The following RAPGEF5 variants were observed in gnomAD, a reference collection of about 807,000 sequenced individuals.
The protein encoded by RAPGEF5 is Rap guanine nucleotide exchange factor 5.
RAPGEF5 carries 65 observed loss-of-function variants against 125.2 expected under a neutral mutation model. The observed-to-expected ratio is 0.52, with a 90% CI of 0.43 to 0.64. RAPGEF5 has a LOEUF of 0.64. RAPGEF5 is among the 30% of genes least tolerant of loss of function. The pLI is 0.00. For missense variants in RAPGEF5, 958 were observed against 1,048.1 expected (o/e 0.91, Z 1.19); for synonymous variants, 391 against 385.9 (o/e 1.01, Z -0.16).
At chr7:22,212,757 T>C (rs1785540599) in intron 9 of RAPGEF5, among the ~76,000 whole-genome samples, 1 of 152,172 alleles carries the variant, frequency 6.6e-6, no homozygotes, top group Non-Finnish European at 1.5e-5. Flanking sequence ...GTAGTAACAC[T>C]GTTACATTAA....
chr7:22,161,598 T>C (rs74723393), intron 13 of RAPGEF5, among the ~76,000 whole-genome samples: 3,594 of 141,890 alleles, frequency 0.025, 53 homozygotes, highest in Middle Eastern at 0.068. Context: ...ACATAATCAT[T>C]TGGGAGAAAA....
At chr7:22,301,694 T>G (rs1373002577) in intron 5 of RAPGEF5, among the ~76,000 whole-genome samples, 1 of 150,208 alleles carries the variant, frequency 6.7e-6, no homozygotes, top group Non-Finnish European at 1.5e-5. Context: ...TGTAATAAGA[T>G]AATGAAAATG....
intron 16 of RAPGEF5, among the ~76,000 whole-genome samples, chr7:22,156,393 G>A (rs142788556): frequency 2.0e-4 from 31 of 152,286 alleles, no homozygotes; most frequent in South Asian, 1.2e-3. Context: ...GTTTCTTCTC[G>A]TGGACTGAGT....
chr7:22,295,764 CT>C (rs1476825829), intron 5 of RAPGEF5, among the ~76,000 whole-genome samples: 2 of 150,154 alleles, frequency 1.3e-5, no homozygotes, highest in African/African-American at 4.9e-5. Flanking sequence ...TTGAAAAATA[CT>C]AAAAAAAAAA....
chr7:22,190,597 G>A (rs947749541), intron 11 of RAPGEF5, among the ~76,000 whole-genome samples: 1 of 152,042 alleles, frequency 6.6e-6, no homozygotes, highest in African/African-American at 2.4e-5. Context: ...TTCTCCTCCC[G>A]GCTATATTCA....
chr7:22,357,043 GC>G lies in RAPGEF5; in HGVS notation c.17del (p.Gly6AlafsTer49). MRMAV[G>X]SVKMQPPCES... The stretch of plus-strand genomic sequence containing the variant: ...CGCACGGCGGCTGCATCTTGACGGA[GC>G]CCACGGCCATCCTCATGCCCTGACG... On this transcript the variant is annotated frameshift_variant, in exon 1 of 26. Transcript: ENST00000665637. LOFTEE classifies it high-confidence loss of function. The G allele has an allele frequency of 9.7e-7, 1 of 1,035,864 alleles. No individual in the cohort carries two copies. Among genetic ancestry groups the G allele is most frequent in the Non-Finnish European group, 1.2e-6 (1 of 864,312 alleles). 64.2% of individuals were successfully genotyped at this position (1,035,864 alleles called of 1,614,324 possible).
In RAPGEF5 at chr7:22,121,226, G is replaced by GAAAAAA. The variant is rs10716365; in HGVS notation, c.*1174_*1179dup. The GAAAAAA allele has an allele frequency of 8.9e-6, 1 of 112,450 alleles. No individual in the cohort carries two copies. The highest frequency in any genetic ancestry group is 3.1e-5 in the African/African-American group (1 of 31,922). The allele number at this position is 112,450 out of a possible 1,614,324, so 7.0% of individuals were successfully genotyped here. A position where few individuals can be genotyped will look rare whatever the true frequency, so the allele number is the denominator to read the frequency against. ...TAAGATTTTAGAAGACTCAGATTTTGAAAAAAAAAAAAAAAAAGGCAAATT... is the reference window on the plus strand; with the variant it reads ...TAAGATTTTAGAAGACTCAGATTTTGAAAAAAAAAAAAAAAAAAAAAAAGGCAAATT... On this transcript the variant is annotated 3_prime_UTR_variant, in exon 26 of 26. Coordinates refer to ENST00000665637, the MANE Select transcript of RAPGEF5 (RefSeq NM_012294.5).
intron 7 of RAPGEF5, among the ~76,000 whole-genome samples, chr7:22,246,441 G>A (rs1488028842): frequency 1.3e-5 from 2 of 152,108 alleles, no homozygotes; most frequent in African/African-American, 2.4e-5. Context: ...ACACCCATCT[G>A]ATCTCTGACA....
At chr7:22,239,414 G>C (rs1231382714) in intron 7 of RAPGEF5, among the ~76,000 whole-genome samples, 2 of 152,152 alleles carry the variant, frequency 1.3e-5, no homozygotes, top group African/African-American at 4.8e-5. Context: ...CACTCAGACA[G>C]CCCAATAAAT....
intron 11 of RAPGEF5, among the ~76,000 whole-genome samples, chr7:22,178,482 A>G (rs6964294): frequency 0.017 from 2,621 of 152,292 alleles, 75 homozygotes; most frequent in African/African-American, 0.059. Context: ...AGTGGGCTCT[A>G]TATCAGGGTT....
intron 9 of RAPGEF5, among the ~76,000 whole-genome samples, chr7:22,213,898 C>A (rs753528123): frequency 7.9e-5 from 12 of 152,144 alleles, no homozygotes; most frequent in Admixed American, 2.0e-4. Context: ...AGTTTGAAAA[C>A]AATGATCAAA....
chr7:22,248,232 A>C (rs1786529144), intron 7 of RAPGEF5, among the ~76,000 whole-genome samples: 1 of 152,226 alleles, frequency 6.6e-6, no homozygotes, highest in Non-Finnish European at 1.5e-5. Flanking sequence ...GGATCATTCC[A>C]ACAAATGTGA....
chr7:22,209,615 A>G (rs2158876), intron 9 of RAPGEF5, among the ~76,000 whole-genome samples: 74 of 152,210 alleles, frequency 4.9e-4, no homozygotes, highest in Non-Finnish European at 9.7e-4. Context: ...GAAGAACTGA[A>G]TGATCCCATT....
At chr7:22,128,461 T>C (rs926356632) in intron 24 of RAPGEF5, among the ~76,000 whole-genome samples, 7 of 152,206 alleles carry the variant, frequency 4.6e-5, no homozygotes, top group African/African-American at 7.2e-5. Flanking sequence ...TCATGAGGAA[T>C]TGACTTTTCA....
At chr7:22,172,930 C>T (rs768307436) in intron 11 of RAPGEF5, among the ~76,000 whole-genome samples, 31 of 152,146 alleles carry the variant, frequency 2.0e-4, no homozygotes, top group African/African-American at 6.8e-4. Context: ...TTTTGACAGG[C>T]AACTGCCTAT....
At chr7:22,243,946 G>A (rs375821626) in intron 7 of RAPGEF5, among the ~76,000 whole-genome samples, 3 of 152,156 alleles carry the variant, frequency 2.0e-5, no homozygotes, top group East Asian at 1.9e-4. Context: ...ACTGCTACCC[G>A]CCAAGCCTGT....
intron 7 of RAPGEF5, among the ~76,000 whole-genome samples, chr7:22,249,149 G>T (rs1786553880): frequency 6.6e-6 from 1 of 152,160 alleles, no homozygotes; most frequent in South Asian, 2.1e-4. Flanking sequence ...GCTTAGTTCA[G>T]ATACACTTAA....
chr7:22,217,733 T>C (rs900701785), intron 9 of RAPGEF5, among the ~76,000 whole-genome samples: 8 of 152,228 alleles, frequency 5.3e-5, no homozygotes, highest in Non-Finnish European at 8.8e-5. Context: ...ATAATTCCAA[T>C]GTTTATTTAC....
chr7:22,350,497 A>G (rs1448074761), intron 1 of RAPGEF5, among the ~76,000 whole-genome samples: 2 of 152,242 alleles, frequency 1.3e-5, no homozygotes, highest in African/African-American at 4.8e-5. Context: ...TGTACCCAAC[A>G]CTTTATATTC....
Sources: gnomAD v4.1 joint callset for allele counts (sites outside exome capture counted in the v4.1 genomes callset) on GRCh38, gnomAD v4.1.1 for gene constraint, MANE v1.5 for transcripts, NCBI Gene and HGNC (gene_info 2026-07-23, HGNC 2026-07-21) for gene names.